PRLR: variants seen among roughly 807,000 people sequenced by gnomAD.
PRLR encodes the protein prolactin receptor.
PRLR carries 13 observed loss-of-function variants against 40.2 expected under a neutral mutation model. That is an observed-to-expected ratio of 0.32 (90% confidence interval 0.21 to 0.51). PRLR has a LOEUF of 0.51. Ranked by LOEUF, PRLR falls within the 20% of genes least tolerant of loss-of-function variation. PRLR has a pLI of 0.97. For synonymous variants in PRLR, 269 were observed against 278.7 expected (o/e 0.97, Z 0.35); for missense variants, 656 against 747.3 (o/e 0.88, Z 1.42).
At chr5:35,071,724 A>C (rs907646638) in intron 6 of PRLR, among the ~76,000 whole-genome samples, 1 of 152,070 alleles carries the variant, frequency 6.6e-6, no homozygotes. Flanking sequence ...CAGCCTTCAG[A>C]GTAGCTGGGA....
At position 35,057,370 on chromosome 5, in the gene PRLR, C is replaced by A. The variant is rs1365715381; in HGVS notation, c.*7719G>T. The A allele has an allele frequency of 6.6e-6, 1 of 152,072 alleles. No individual in the cohort carries two copies. The highest frequency in any genetic ancestry group is 2.4e-5 in the African/African-American group (1 of 41,434). The allele number at this position is 152,072 out of a possible 1,614,324, so 9.4% of individuals were successfully genotyped here. A position where few individuals can be genotyped will look rare whatever the true frequency, so the allele number is the denominator to read the frequency against. ...TCAGCCATGAATGTGTTATTTTGCT[C>A]ATCTCCATTTCAAATAAAAAAATAG... On this transcript the variant is annotated 3_prime_UTR_variant, in exon 10 of 10. Transcript: ENST00000618457.
chr5:35,176,818 T>C (rs1775162233), intron 1 of PRLR, among the ~76,000 whole-genome samples: 1 of 152,166 alleles, frequency 6.6e-6, no homozygotes, highest in African/African-American at 2.4e-5. Flanking sequence ...GGGTCTGTGC[T>C]GAGGAGGATT....
At chr5:35,146,980 A>C (rs1424302691) in intron 1 of PRLR, among the ~76,000 whole-genome samples, 1 of 151,982 alleles carries the variant, frequency 6.6e-6, no homozygotes, top group Non-Finnish European at 1.5e-5. Flanking sequence ...CACATGCCCA[A>C]CTCCTATCTA....
intron 1 of PRLR, among the ~76,000 whole-genome samples, chr5:35,118,995 C>T (rs1025200332): frequency 6.6e-6 from 1 of 151,966 alleles, no homozygotes; most frequent in Non-Finnish European, 1.5e-5. Context: ...GGGGTTTTGC[C>T]ATGTTGGCCA....
chr5:35,143,333 A>G (rs1312829550), intron 1 of PRLR, among the ~76,000 whole-genome samples: 1 of 152,224 alleles, frequency 6.6e-6, no homozygotes, highest in Non-Finnish European at 1.5e-5. Context: ...ATGAAAATAG[A>G]CCACTGGCTG....
At position 35,057,751 on chromosome 5, in the gene PRLR, TAA is replaced by T. The variant is rs1176193528; in HGVS notation, c.*7336_*7337del. The stretch of plus-strand genomic sequence containing the variant: ...ATAACTATAGTCTTCTATAAATCTT[TAA>T]GTCTAAAAAAATAGACATTACAATA... On this transcript the variant is annotated 3_prime_UTR_variant, in exon 10 of 10. Coordinates refer to ENST00000618457, the MANE Select transcript of PRLR (RefSeq NM_000949.7). 1 of 152,172 alleles carries T rather than the reference TAA, an allele frequency of 6.6e-6. No homozygotes were observed. Among genetic ancestry groups the T allele is most frequent in the African/African-American group, 2.4e-5 (1 of 41,454 alleles). The allele number at this position is 152,172 out of a possible 1,614,324, so 9.4% of individuals were successfully genotyped here.
At chr5:35,187,260 GCT>G (rs1249762138) in intron 1 of PRLR, among the ~76,000 whole-genome samples, 1 of 151,984 alleles carries the variant, frequency 6.6e-6, no homozygotes, top group African/African-American at 2.4e-5. Flanking sequence ...AATTAACCAG[GCT>G]TCATGGTGCA....
intron 1 of PRLR, among the ~76,000 whole-genome samples, chr5:35,183,115 A>G (rs530305539): frequency 1.8e-4 from 28 of 152,218 alleles, no homozygotes; most frequent in Non-Finnish European, 2.5e-4. Context: ...GTGTGAACAC[A>G]TCAAATGCGG....
intron 1 of PRLR, among the ~76,000 whole-genome samples, chr5:35,141,288 G>T (rs556547356): frequency 6.6e-6 from 1 of 151,590 alleles, no homozygotes; most frequent in African/African-American, 2.4e-5. Context: ...AATTAGGTTT[G>T]GTAACTGACA....
intron 1 of PRLR, among the ~76,000 whole-genome samples, chr5:35,188,802 A>G (rs1012606769): frequency 3.9e-5 from 6 of 152,194 alleles, no homozygotes; most frequent in Admixed American, 3.3e-4. Flanking sequence ...AGCATAATGT[A>G]ACGTTTACTG....
chr5:35,142,371 T>C (rs1268045632), intron 1 of PRLR, among the ~76,000 whole-genome samples: 1 of 152,168 alleles, frequency 6.6e-6, no homozygotes, highest in Non-Finnish European at 1.5e-5. Flanking sequence ...GCTGAAGTTA[T>C]GTTGGGGTTT....
intron 2 of PRLR, among the ~76,000 whole-genome samples, chr5:35,100,280 T>C (rs1001946238): frequency 1.3e-5 from 2 of 151,832 alleles, no homozygotes; most frequent in African/African-American, 4.8e-5. Context: ...GAAAAAAATT[T>C]AAAAAAAATT....
At chr5:35,165,568 C>T (rs1426556289) in intron 1 of PRLR, among the ~76,000 whole-genome samples, 4 of 152,156 alleles carry the variant, frequency 2.6e-5, no homozygotes, top group Non-Finnish European at 2.9e-5. Flanking sequence ...CAATTTATTT[C>T]TATGGACTTA....
rs182437507 is a variant in PRLR, at chr5:35,074,492, T to A, written c.374-1748A>T. 6.9e-3 allele frequency among the ~76,000 whole-genome samples: 977 copies of A among 141,700 alleles called. 17 individuals are homozygous for A. The highest frequency in any genetic ancestry group is 0.027 in the African/African-American group (922 of 34,524). 93.0% of individuals were successfully genotyped at this position (141,700 alleles called of 152,430 possible). On this transcript the variant is annotated intron_variant, in intron 5 of 9. Transcript: ENST00000618457. ...AAAAAAATGTGGAACAGCTACATAT[T>A]TTTTATGATTCCATATATATATATA...
At position 35,063,686 on chromosome 5, in the gene PRLR, C is replaced by T. The variant is rs1414349578; in HGVS notation, c.*1403G>A. The stretch of plus-strand genomic sequence containing the variant: ...ACTTCAGAGAGACACTAACTCCTGG[C>T]TTTGCTTAAAATTTTTTTGTGGCCC... On this transcript the variant is annotated 3_prime_UTR_variant, in exon 10 of 10. Coordinates refer to ENST00000618457, the MANE Select transcript of PRLR (RefSeq NM_000949.7). 6.6e-6 allele frequency: 1 copy of T among 152,208 alleles called. No individual in the cohort carries two copies. Among genetic ancestry groups the T allele is most frequent in the Non-Finnish European group, 1.5e-5 (1 of 68,030 alleles). 9.4% of individuals were successfully genotyped at this position (152,208 alleles called of 1,614,324 possible). A position where few individuals can be genotyped will look rare whatever the true frequency, so the allele number is the denominator to read the frequency against.
At chr5:35,149,812 G>C (rs1241572202) in intron 1 of PRLR, among the ~76,000 whole-genome samples, 1 of 151,946 alleles carries the variant, frequency 6.6e-6, no homozygotes, top group Non-Finnish European at 1.5e-5. Flanking sequence ...TCGAGAGTAA[G>C]AGTGATTTTC....
At chr5:35,129,381 G>A (rs1207869202) in intron 1 of PRLR, among the ~76,000 whole-genome samples, 3 of 152,170 alleles carry the variant, frequency 2.0e-5, no homozygotes, top group Admixed American at 6.5e-5. Context: ...AGGGAGTCTT[G>A]TTCTCTGCTC....
chr5:35,158,798 C>T (rs1344073632), intron 1 of PRLR, among the ~76,000 whole-genome samples: 4 of 152,084 alleles, frequency 2.6e-5, no homozygotes, highest in South Asian at 4.1e-4. Context: ...GGCTGGAGCC[C>T]GTCTTTCATT....
chr5:35,223,641 T>G (rs1042708216), intron 1 of PRLR, among the ~76,000 whole-genome samples: 1 of 152,244 alleles, frequency 6.6e-6, no homozygotes, highest in Non-Finnish European at 1.5e-5. Flanking sequence ...TTGTCTTTCT[T>G]AATATACCTT....
Sources: allele counts gnomAD v4.1 joint callset (sites outside exome capture counted in the v4.1 genomes callset), GRCh38; gene constraint gnomAD v4.1.1; transcripts MANE v1.5; gene names NCBI Gene and HGNC (gene_info 2026-07-23, HGNC 2026-07-21).